CDS1: variants seen among roughly 807,000 people sequenced by gnomAD.
CDS1 encodes phosphatidate cytidylyltransferase 1.
CDS1 carries 41 observed loss-of-function variants against 62.1 expected under a neutral mutation model. That is an observed-to-expected ratio of 0.66 (90% confidence interval 0.51 to 0.86). The LOEUF (loss-of-function observed/expected upper bound fraction) is 0.86. CDS1 is among the 40% of genes least tolerant of loss of function. The pLI is 0.00. For missense variants in CDS1, 470 were observed against 550.1 expected, an observed-to-expected ratio of 0.85 and a Z score of 1.46; for synonymous variants, 185 against 192.6, an observed-to-expected ratio of 0.96 and a Z score of 0.32.
chr4:84,598,401 T>C (rs574341946), intron 1 of CDS1, among the ~76,000 whole-genome samples: 199 of 151,336 alleles, frequency 1.3e-3, no homozygotes, highest in Non-Finnish European at 2.3e-3. Flanking sequence ...CTCACTTTTT[T>C]TCTTTTTCTT....
chr4:84,639,276 C>T (rs1402993086), intron 9 of CDS1, among the ~76,000 whole-genome samples: 2 of 152,204 alleles, frequency 1.3e-5, no homozygotes, highest in Admixed American at 1.3e-4. Context: ...GACTTGCTGA[C>T]TTACTGTTGT....
intron 11 of CDS1, among the ~76,000 whole-genome samples, 180 bp from the exon 12 acceptor site, chr4:84,645,042 A>G (rs1184794331): frequency 6.6e-6 from 1 of 152,234 alleles, no homozygotes; most frequent in Non-Finnish European, 1.5e-5. Flanking sequence ...AGAAGCATGT[A>G]TTTGGAAGAT....
intron 1 of CDS1, among the ~76,000 whole-genome samples, chr4:84,584,000 A>G (rs1271857359): frequency 6.6e-6 from 1 of 152,068 alleles, no homozygotes; most frequent in East Asian, 1.9e-4. Flanking sequence ...CCCCATATGC[A>G]CTTACATTTT....
chr4:84,635,663 C>CTTCCTTCCT (rs1724177137), intron 8 of CDS1, among the ~76,000 whole-genome samples: 1 of 126,390 alleles, frequency 7.9e-6, no homozygotes, highest in Admixed American at 8.2e-5. Flanking sequence ...TCCTTCCTTC[C>CTTCCTTCCT]TTCCTTCCTT....
intron 8 of CDS1, among the ~76,000 whole-genome samples, 168 bp from the exon 9 acceptor site, chr4:84,638,756 A>C (rs1454280714): frequency 6.6e-6 from 1 of 151,978 alleles, no homozygotes; most frequent in Non-Finnish European, 1.5e-5. Context: ...TTTCACTAGT[A>C]AATCAAGATC....
At chr4:84,618,423 C>T (rs1723567836) in intron 4 of CDS1, among the ~76,000 whole-genome samples, 1 of 152,120 alleles carries the variant, frequency 6.6e-6, no homozygotes, top group South Asian at 2.1e-4. Flanking sequence ...TAAAACCATG[C>T]AGTATTGATT....
At chr4:84,638,677 A>G (rs1724289406) in intron 8 of CDS1, among the ~76,000 whole-genome samples, 1 of 152,126 alleles carries the variant, frequency 6.6e-6, no homozygotes, top group African/African-American at 2.4e-5. Context: ...TTTAACATGA[A>G]CAAACACATA....
chr4:84,629,159 T>C (rs549660735), intron 5 of CDS1, among the ~76,000 whole-genome samples: 102 of 152,324 alleles, frequency 6.7e-4, no homozygotes, highest in African/African-American at 2.4e-3. Context: ...TTTCCACAGA[T>C]TTATTAACAT....
chr4:84,648,719 G>T lies in CDS1; in HGVS notation c.*33G>T. 1 of 1,574,802 alleles carries T rather than the reference G, an allele frequency of 6.3e-7. No individual in the cohort carries two copies. The highest frequency in any genetic ancestry group is 1.2e-5 in the South Asian group (1 of 83,760). On this transcript the variant is annotated 3_prime_UTR_variant, in exon 13 of 13. Transcript: ENST00000295887. The stretch of plus-strand genomic sequence containing the variant: ...CAGAGAGGGAAGGACTGACAAGAAG[G>T]AATTATTCAGAAAAACACTGACAGA...
chr4:84,616,748 A>C (rs183870115), intron 3 of CDS1, among the ~76,000 whole-genome samples: 25 of 152,354 alleles, frequency 1.6e-4, no homozygotes, highest in African/African-American at 6.0e-4. Context: ...TGGAATCGAC[A>C]GGTCAAGCAC....
At chr4:84,596,789 C>G (rs985023594) in intron 1 of CDS1, among the ~76,000 whole-genome samples, 1 of 152,186 alleles carries the variant, frequency 6.6e-6, no homozygotes, top group Admixed American at 6.5e-5. Flanking sequence ...TACATCTAGG[C>G]TGATACCTTA....
Position 84,617,601 on chromosome 4 carries a change from T to A in CDS1, c.380T>A (p.Ile127Asn). 1 of 1,597,412 alleles carries A rather than the reference T, an allele frequency of 6.3e-7. No homozygotes were observed. The highest frequency in any genetic ancestry group is 8.6e-7 in the Non-Finnish European group (1 of 1,167,400). Residue 127 changes from isoleucine to asparagine, a missense_variant, in exon 4 of 13, where the codon ATC becomes AAC. By Grantham distance (149) the Ile-to-Asn change is moderately radical (BLOSUM62 -3). This residue lies in a region of CDS1 where 34 missense variants were observed against 64.8 expected (regional missense o/e 0.52). Transcript: ENST00000295887. ...CAAGTGAAATGCTTCCATGAAATTA[T>A]CACTATAGGTTATAGAGTCTATCAT... ...GIQVKCFHEI[I>N]TIGYRVYHSY...
intron 3 of CDS1, among the ~76,000 whole-genome samples, chr4:84,609,927 G>GA (rs368874207): frequency 3.5e-4 from 53 of 152,100 alleles, no homozygotes; most frequent in African/African-American, 1.2e-3. Flanking sequence ...GCTGAGGTGG[G>GA]GGATCACTTG....
chr4:84,650,983 T>C lies in CDS1; in HGVS notation c.*2297T>C, dbSNP rs1296017546. The C allele has an allele frequency of 6.6e-6, 1 of 152,146 alleles. No homozygotes were observed. The highest frequency in any genetic ancestry group is 1.5e-5 in the Non-Finnish European group (1 of 68,020). 9.4% of individuals were successfully genotyped at this position (152,146 alleles called of 1,614,324 possible). On this transcript the variant is annotated 3_prime_UTR_variant, in exon 13 of 13. Coordinates refer to ENST00000295887, the MANE Select transcript of CDS1 (RefSeq NM_001263.4). ...AAACTAGGAAGTTCTTTCACAGTAA[T>C]GCCTAGTTGTTCCAAATTTGCTATA...
chr4:84,604,102 A>G, intron 1 of CDS1, 141 bp from the exon 2 acceptor site: 2 of 676,666 alleles, frequency 3.0e-6, no homozygotes, highest in South Asian at 2.1e-5. Context: ...AGCAGTGCTA[A>G]GATTTTCAAG....
chr4:84,634,479 T>C (rs535810851), intron 7 of CDS1, among the ~76,000 whole-genome samples: 2 of 152,246 alleles, frequency 1.3e-5, no homozygotes, highest in Admixed American at 1.3e-4. Context: ...ACTTATTACT[T>C]AAAAATTAGT....
chr4:84,623,800 G>A (rs1223208020), intron 5 of CDS1, among the ~76,000 whole-genome samples: 1 of 152,050 alleles, frequency 6.6e-6, no homozygotes, highest in Non-Finnish European at 1.5e-5. Context: ...AGACAGAGGC[G>A]GGTGCTCATG....
At chr4:84,639,126 C>T in intron 9 of CDS1, 134 bp downstream of exon 9, 1 of 349,188 alleles carries the variant, frequency 2.9e-6, no homozygotes, top group Non-Finnish European at 5.1e-6. Flanking sequence ...CTGAAAAGAA[C>T]CAGTTCTGTA....
intron 6 of CDS1, among the ~76,000 whole-genome samples, chr4:84,633,434 A>G (rs778112268): frequency 9.9e-5 from 15 of 152,246 alleles, no homozygotes; most frequent in Non-Finnish European, 1.6e-4. Context: ...AAGTTACCGT[A>G]ATAAACTCTG....
Sources: allele counts gnomAD v4.1 joint callset (sites outside exome capture counted in the v4.1 genomes callset), GRCh38; gene constraint gnomAD v4.1.1; regional missense constraint gnomAD v4.1.1; transcripts MANE v1.5; gene names NCBI Gene and HGNC (gene_info 2026-07-23, HGNC 2026-07-21).